Variants in SATB2 observed in about 807,000 individuals in gnomAD.
SATB2 encodes SATB homeobox 2, also known as DNA-binding protein SATB2.
Under a neutral mutation model 73.4 loss-of-function variants are expected in SATB2, and 1 was observed. The ratio of observed to expected loss-of-function variants is 0.01; its 90% CI spans 0.00 to 0.06. The LOEUF (loss-of-function observed/expected upper bound fraction) is 0.06. SATB2 is among the 10% of genes least tolerant of loss of function. The pLI is 1.00. For missense variants in SATB2, 459 were observed against 945.8 expected, an observed-to-expected ratio of 0.49 and a Z score of 6.75; for synonymous variants, 397 against 367.0, an observed-to-expected ratio of 1.08 and a Z score of -0.93.
chr2:199,468,622 G>GTGAA (rs1692639608), upstream of SATB2, among the ~76,000 whole-genome samples: 2 of 152,250 alleles, frequency 1.3e-5, no homozygotes, highest in African/African-American at 2.4e-5. Flanking sequence ...TATAGACTAA[G>GTGAA]TGAATGAATC....
rs945468778 is a variant in SATB2, at chr2:199,281,351, A to G, written c.1741-8679T>C. Reference sequence around the variant, plus strand: ...TATAAGGTGGTTGATCCAGTGTAGTAATAGGTTAAAACAGTTTCCCAGGTG... The same window carrying G: ...TATAAGGTGGTTGATCCAGTGTAGTGATAGGTTAAAACAGTTTCCCAGGTG... On this transcript the variant is annotated intron_variant, in intron 10 of 10. Transcript: ENST00000417098. Among the ~76,000 whole-genome samples the G allele has an allele frequency of 2.0e-5, 3 of 151,854 alleles. No homozygotes were observed. The East Asian group carries it at 5.8e-4, about 29-fold the overall frequency.
intron 9 of SATB2, among the ~76,000 whole-genome samples, chr2:199,318,623 T>G (rs1003533152): frequency 5.3e-5 from 8 of 152,212 alleles, no homozygotes; most frequent in African/African-American, 1.9e-4. Context: ...TCATGGGTGA[T>G]CCATGTTTTC....
chr2:199,281,882 C>T (rs1476696793), intron 10 of SATB2, among the ~76,000 whole-genome samples: 2 of 124,094 alleles, frequency 1.6e-5, no homozygotes, highest in African/African-American at 5.7e-5. Flanking sequence ...TATTCTCTCT[C>T]TTTTTTTTTT....
intron 2 of SATB2, among the ~76,000 whole-genome samples, chr2:199,443,543 A>G (rs1041402299): frequency 6.8e-6 from 1 of 147,200 alleles, no homozygotes; most frequent in Non-Finnish European, 1.5e-5. Flanking sequence ...TTATAGCAAA[A>G]AAAAAAAAAA....
chr2:199,374,725 A>C (rs1276071585), intron 5 of SATB2, among the ~76,000 whole-genome samples: 5 of 152,114 alleles, frequency 3.3e-5, no homozygotes, highest in Non-Finnish European at 7.4e-5. Context: ...GCATTTTGGG[A>C]GGCCGAGGCA....
chr2:199,273,740 T>TA (rs1046561432), intron 10 of SATB2, among the ~76,000 whole-genome samples: 1 of 152,130 alleles, frequency 6.6e-6, no homozygotes, highest in African/African-American at 2.4e-5. Context: ...TTTTTTCTCC[T>TA]AATGTTAAAG....
At chr2:199,273,487 C>T (rs907830268) in intron 10 of SATB2, among the ~76,000 whole-genome samples, 2 of 152,092 alleles carry the variant, frequency 1.3e-5, no homozygotes, top group African/African-American at 4.8e-5. Context: ...GGTACTTAAG[C>T]CAGAAAATCA....
intron 3 of SATB2, among the ~76,000 whole-genome samples, chr2:199,422,745 C>T (rs912114603): frequency 6.6e-6 from 1 of 152,094 alleles, no homozygotes; most frequent in Non-Finnish European, 1.5e-5. Context: ...TTACGTACTT[C>T]ACAGGGTTAT....
chr2:199,422,510 T>C (rs1691203196), intron 3 of SATB2, among the ~76,000 whole-genome samples: 1 of 152,172 alleles, frequency 6.6e-6, no homozygotes, highest in Admixed American at 6.5e-5. Flanking sequence ...AAAATACATA[T>C]CTTCATTAAG....
intron 6 of SATB2, among the ~76,000 whole-genome samples, chr2:199,361,305 CTCTT>C (rs1330075881): frequency 1.3e-5 from 2 of 151,920 alleles, no homozygotes; most frequent in African/African-American, 4.8e-5. Flanking sequence ...GCTTGCATGT[CTCTT>C]TCTCATTCTC....
At chr2:199,363,095 A>T (rs943851534) in intron 6 of SATB2, among the ~76,000 whole-genome samples, 2 of 152,196 alleles carry the variant, frequency 1.3e-5, no homozygotes, top group African/African-American at 4.8e-5. Flanking sequence ...GCTTCTTAAG[A>T]TCCATGCAAG....
intron 3 of SATB2, among the ~76,000 whole-genome samples, chr2:199,413,345 A>T (rs779720970): frequency 7.2e-5 from 11 of 152,222 alleles, no homozygotes; most frequent in Non-Finnish European, 1.5e-4. Context: ...CCGGAGCTAA[A>T]GCCTGGTTTT....
intron 2 of SATB2, among the ~76,000 whole-genome samples, chr2:199,452,949 A>G (rs1418495864): frequency 2.6e-5 from 4 of 152,142 alleles, no homozygotes; most frequent in Admixed American, 2.6e-4. Flanking sequence ...AGCTAACCAC[A>G]TAGTAAACAA....
At chr2:199,361,925 G>A (rs1176354251) in intron 6 of SATB2, among the ~76,000 whole-genome samples, 1 of 151,662 alleles carries the variant, frequency 6.6e-6, no homozygotes, top group Non-Finnish European at 1.5e-5. Flanking sequence ...TTTTAGTAAA[G>A]ATGGGGTTTC....
intron 3 of SATB2, among the ~76,000 whole-genome samples, chr2:199,385,371 C>T (rs2105872708): frequency 6.6e-6 from 1 of 152,242 alleles, no homozygotes; most frequent in South Asian, 2.1e-4. Context: ...TGGGCTCAAG[C>T]GATCTATCTG....
intron 6 of SATB2, among the ~76,000 whole-genome samples, chr2:199,352,386 A>G (rs1688844192): frequency 6.6e-6 from 1 of 152,234 alleles, no homozygotes; most frequent in African/African-American, 2.4e-5. Context: ...ACAATTAAGC[A>G]TAAACATCAA....
intron 3 of SATB2, among the ~76,000 whole-genome samples, chr2:199,429,064 G>A (rs1691422727): frequency 6.6e-6 from 1 of 150,466 alleles, no homozygotes; most frequent in African/African-American, 2.4e-5. Context: ...GAAATCCCTT[G>A]GTTTATACAT....
chr2:199,414,857 G>C (rs1690927829), intron 3 of SATB2, among the ~76,000 whole-genome samples: 1 of 152,108 alleles, frequency 6.6e-6, no homozygotes, highest in Non-Finnish European at 1.5e-5. Context: ...TGCAACACTT[G>C]TCCCTCCAGG....
upstream of SATB2, among the ~76,000 whole-genome samples, chr2:199,462,480 C>T (rs1228030934): frequency 6.6e-6 from 1 of 152,206 alleles, no homozygotes; most frequent in Non-Finnish European, 1.5e-5. The surrounding 1 kb of genome is among the most constrained non-coding windows in gnomAD (Gnocchi z 5.9). Flanking sequence ...ACGGTTCGCC[C>T]AGGGTGGGCT....
Sources: allele counts gnomAD v4.1 joint callset (sites outside exome capture counted in the v4.1 genomes callset), GRCh38; gene constraint gnomAD v4.1.1; non-coding constraint Gnocchi (gnomAD v3.1); transcripts MANE v1.5; gene names NCBI Gene and HGNC (gene_info 2026-07-23, HGNC 2026-07-21).